Variants in SMYD3 observed in about 807,000 individuals in gnomAD.
SMYD3 encodes histone-lysine N-methyltransferase SMYD3.
SMYD3 carries 36 observed loss-of-function variants against 57.7 expected under a neutral mutation model. The observed-to-expected ratio is 0.62, with a 90% CI of 0.48 to 0.82. SMYD3 has a LOEUF of 0.82. Ranked by LOEUF, SMYD3 falls within the 40% of genes least tolerant of loss-of-function variation. The pLI is 0.00. For synonymous variants in SMYD3, 211 were observed against 195.0 expected (o/e 1.08, Z -0.68); for missense variants, 515 against 538.8 (o/e 0.96, Z 0.44).
intron 5 of SMYD3, among the ~76,000 whole-genome samples, chr1:246,248,622 G>A (rs1471236040): frequency 7.0e-6 from 1 of 142,240 alleles, no homozygotes; most frequent in African/African-American, 2.6e-5. Context: ...TTATGCAAAA[G>A]CTCTCTGACT....
rs147964974 is a variant in SMYD3, at chr1:246,149,610, A to C, written c.531+177591T>G. Among the ~76,000 whole-genome samples the C allele has an allele frequency of 5.1e-3, 782 of 152,340 alleles. 7 individuals carry two copies. The highest frequency in any genetic ancestry group is 0.017 in the African/African-American group (724 of 41,578). ...ATAAAAAAAAGCTTTTATTATTTTA[A>C]TGAATTCAAAAGCCGGAAGCATTAT... is the stretch of plus-strand genomic sequence containing the variant. On this transcript the variant is annotated intron_variant, in intron 5 of 11. Coordinates refer to ENST00000490107, the MANE Select transcript of SMYD3 (RefSeq NM_001167740.2).
chr1:246,065,330 C>T lies in SMYD3; in HGVS notation c.532-135393G>A, dbSNP rs114559073. On this transcript the variant is annotated intron_variant, in intron 5 of 11. Coordinates refer to ENST00000490107, the MANE Select transcript of SMYD3 (RefSeq NM_001167740.2). ...ACTCAAAAAAGTGAGGACAGATGCG[C>T]GCCTTACTTTATCCAGTCAATGTGC... 7.7e-3 allele frequency among the ~76,000 whole-genome samples: 1,165 copies of T among 152,278 alleles called. 7 individuals carry two copies. The highest frequency in any genetic ancestry group is 0.034 in the Middle Eastern group (10 of 294).
At chr1:245,986,252 C>A (rs1020659349) in intron 5 of SMYD3, among the ~76,000 whole-genome samples, 1 of 152,122 alleles carries the variant, frequency 6.6e-6, no homozygotes, top group African/African-American at 2.4e-5. Flanking sequence ...ATGTTAGGAA[C>A]CTGTTGGAAG....
intron 8 of SMYD3, among the ~76,000 whole-genome samples, chr1:245,881,355 G>T (rs1279848926): frequency 6.6e-6 from 1 of 152,164 alleles, no homozygotes; most frequent in Non-Finnish European, 1.5e-5. Context: ...TCTTGGTATG[G>T]GGAAGTAAGG....
chr1:246,152,768 G>C (rs1572116493), intron 5 of SMYD3, among the ~76,000 whole-genome samples: 1 of 152,162 alleles, frequency 6.6e-6, no homozygotes, highest in East Asian at 1.9e-4. Context: ...TGTTTTCAAA[G>C]ACAGAGTCTC....
chr1:246,505,425 C>T (rs7531213), intron 1 of SMYD3, among the ~76,000 whole-genome samples: 36,174 of 140,302 alleles, frequency 0.26, 4,488 homozygotes, highest in Middle Eastern at 0.33. Context: ...GTGAGTTTCC[C>T]AAGGAGCAGC....
chr1:246,256,384 C>T (rs1363592081), intron 5 of SMYD3, among the ~76,000 whole-genome samples: 1 of 152,146 alleles, frequency 6.6e-6, no homozygotes, highest in East Asian at 1.9e-4. Flanking sequence ...TCCTTCAATC[C>T]AATCAAGTTC....
At chr1:246,279,681 G>A (rs1371425656) in intron 5 of SMYD3, among the ~76,000 whole-genome samples, 1 of 152,122 alleles carries the variant, frequency 6.6e-6, no homozygotes, top group Non-Finnish European at 1.5e-5. Flanking sequence ...CTATTGAACA[G>A]GGAAGAATAG....
At chr1:245,816,600 T>C (rs936859252) in intron 10 of SMYD3, among the ~76,000 whole-genome samples, 14 of 147,862 alleles carry the variant, frequency 9.5e-5, no homozygotes, top group East Asian at 4.0e-4. Context: ...GTGAGTGACA[T>C]AGAAGACGGT....
At chr1:246,379,081 T>TACATACACACAC (rs1553340125) in intron 1 of SMYD3, among the ~76,000 whole-genome samples, 1 of 130,520 alleles carries the variant, frequency 7.7e-6, no homozygotes, top group Admixed American at 8.7e-5. Flanking sequence ...CACACATACA[T>TACATACACACAC]ACACACACAC....
At chr1:246,055,806 A>C (rs1209351179) in intron 5 of SMYD3, among the ~76,000 whole-genome samples, 1 of 152,198 alleles carries the variant, frequency 6.6e-6, no homozygotes. Flanking sequence ...GAATTGTCAA[A>C]ATCAGAGAGA....
intron 1 of SMYD3, among the ~76,000 whole-genome samples, chr1:246,504,443 G>T (rs2068505555): frequency 6.6e-6 from 1 of 152,190 alleles, no homozygotes; most frequent in East Asian, 1.9e-4. Flanking sequence ...GTAAAACAAT[G>T]GTAAGTATTT....
chr1:246,274,248 A>C (rs2064285893), intron 5 of SMYD3, among the ~76,000 whole-genome samples: 1 of 152,240 alleles, frequency 6.6e-6, no homozygotes, highest in South Asian at 2.1e-4. Context: ...TTACTGTTAG[A>C]GAACATATCG....
intron 5 of SMYD3, among the ~76,000 whole-genome samples, chr1:246,317,147 C>T (rs1011572316): frequency 2.0e-5 from 3 of 151,888 alleles, no homozygotes; most frequent in African/African-American, 7.3e-5. Flanking sequence ...CTTACTATAC[C>T]ATTGAGATAA....
chr1:246,475,277 G>A (rs958920964), intron 1 of SMYD3, among the ~76,000 whole-genome samples: 1 of 150,510 alleles, frequency 6.6e-6, no homozygotes, highest in Non-Finnish European at 1.5e-5. Flanking sequence ...GCAGTGAGCC[G>A]AGAGCCCACC....
chr1:246,103,959 G>A (rs1243464558), intron 5 of SMYD3, among the ~76,000 whole-genome samples: 4 of 152,024 alleles, frequency 2.6e-5, no homozygotes, highest in African/African-American at 9.7e-5. Flanking sequence ...TGTTCAGATG[G>A]GCCATTCTTC....
chr1:246,408,726 G>T (rs1397009930), intron 1 of SMYD3, among the ~76,000 whole-genome samples: 1 of 125,128 alleles, frequency 8.0e-6, no homozygotes, highest in East Asian at 2.5e-4. Context: ...CTGGAATGTA[G>T]TGGTGCTATC....
At chr1:245,923,376 T>TA (rs778543738) in intron 7 of SMYD3, among the ~76,000 whole-genome samples, 21 of 152,096 alleles carry the variant, frequency 1.4e-4, no homozygotes, top group Non-Finnish European at 2.2e-4. Flanking sequence ...CCTTCTCCCT[T>TA]ACACAAATAT....
intron 10 of SMYD3, among the ~76,000 whole-genome samples, chr1:245,801,695 A>C (rs1406274688): frequency 6.7e-6 from 1 of 148,696 alleles, no homozygotes; most frequent in Non-Finnish European, 1.5e-5. Flanking sequence ...ATCTTCTTTT[A>C]CACAAAGAAT....
Sources: gnomAD v4.1 joint callset for allele counts (sites outside exome capture counted in the v4.1 genomes callset) on GRCh38, gnomAD v4.1.1 for gene constraint, MANE v1.5 for transcripts, NCBI Gene and HGNC (gene_info 2026-07-23, HGNC 2026-07-21) for gene names.